PRKN: variants seen among roughly 807,000 people sequenced by gnomAD.
PRKN encodes the protein parkin RBR E3 ubiquitin protein ligase.
PRKN carries 56 observed loss-of-function variants against 59.5 expected under a neutral mutation model. The observed-to-expected ratio is 0.94, with a 90% CI of 0.76 to 1.18. The LOEUF is 1.18. PRKN is among the 50% of genes most tolerant of loss of function. PRKN has a pLI of 0.00. For missense variants in PRKN, 657 were observed against 596.4 expected (o/e 1.10, Z -1.06); for synonymous variants, 250 against 222.1 (o/e 1.13, Z -1.12).
Position 161,405,863 on chromosome 6 carries a change from T to C in PRKN, c.1084-18986A>G, listed in dbSNP as rs988621960. On this transcript the variant is annotated intron_variant, in intron 9 of 11. Coordinates refer to ENST00000366898, the MANE Select transcript of PRKN (RefSeq NM_004562.3). This position sits in a 1 kb window ranked among gnomAD's most constrained non-coding sequence, Gnocchi z 5.1. The stretch of plus-strand genomic sequence containing the variant: ...ATTTGGCAGTCCAAATAGATTTTTC[T>C]TTTAAAGTAGACTTTTGCTCCCACT... Among the ~76,000 whole-genome samples the C allele has an allele frequency of 1.3e-5, 2 of 152,068 alleles. No homozygotes were observed. The highest frequency in any genetic ancestry group is 4.8e-5 in the African/African-American group (2 of 41,414).
chr6:162,472,816 A>ATATATATATATATATATATATATC (rs1480831944), intron 1 of PRKN, among the ~76,000 whole-genome samples: 39 of 144,150 alleles, frequency 2.7e-4, no homozygotes, highest in Non-Finnish European at 4.4e-4. Flanking sequence ...ATATATATAT[A>ATATATATATATATATATATATATC]TCTTAGTAGA....
chr6:161,659,367 C>A (rs891939475), intron 7 of PRKN, among the ~76,000 whole-genome samples: 4 of 151,794 alleles, frequency 2.6e-5, no homozygotes, highest in African/African-American at 7.3e-5. Flanking sequence ...GTAGATGACA[C>A]TAAAAATGCA....
chr6:162,634,813 G>A (rs1330734516), intron 1 of PRKN, among the ~76,000 whole-genome samples: 1 of 152,082 alleles, frequency 6.6e-6, no homozygotes, highest in African/African-American at 2.4e-5. Flanking sequence ...TAGTAGAGAC[G>A]GGGTTTCACC....
intron 7 of PRKN, among the ~76,000 whole-genome samples, chr6:161,754,659 T>A (rs1788838169): frequency 6.6e-6 from 1 of 152,132 alleles, no homozygotes; most frequent in African/African-American, 2.4e-5. Context: ...CCAACTCACA[T>A]CCCTTTTCTT....
chr6:161,766,436 T>C lies in PRKN; in HGVS notation c.871+19336A>G, dbSNP rs150648074. ...AATTCTTCTGCCTCAGCCTCCTGAG[T>C]AGCTGGGACTACAGGTGCACGCCAC... is the stretch of plus-strand genomic sequence containing the variant. On this transcript the variant is annotated intron_variant, in intron 7 of 11. Coordinates refer to ENST00000366898, the MANE Select transcript of PRKN (RefSeq NM_004562.3). Among the ~76,000 whole-genome samples the C allele has an allele frequency of 5.2e-3, 792 of 151,938 alleles. 4 individuals are homozygous for C. The highest frequency in any genetic ancestry group is 0.018 in the African/African-American group (739 of 41,436).
intron 9 of PRKN, among the ~76,000 whole-genome samples, chr6:161,509,433 G>T (rs60259779): frequency 0.081 from 12,308 of 152,168 alleles, 730 homozygotes; most frequent in African/African-American, 0.16. Context: ...CCAGGGAGGA[G>T]CCTGGAGAAT....
Position 162,184,122 on chromosome 6 carries a change from T to C in PRKN, c.534+17009A>G, listed in dbSNP as rs971786036. On this transcript the variant is annotated intron_variant, in intron 4 of 11. Coordinates refer to ENST00000366898, the MANE Select transcript of PRKN (RefSeq NM_004562.3). ...CATATGTGCCTAGTGGCTGACATAT[T>C]GGACAGTACAGCTCTGTATCAACTT... Among the ~76,000 whole-genome samples, 3 of 152,242 alleles carry C rather than the reference T, an allele frequency of 2.0e-5. No homozygotes were observed. The South Asian group carries it at 6.2e-4, about 31-fold the overall frequency.
At chr6:161,532,166 C>CTCTCTA (rs1355724171) in intron 9 of PRKN, among the ~76,000 whole-genome samples, 116 of 115,404 alleles carry the variant, frequency 1.0e-3, no homozygotes, top group Middle Eastern at 5.1e-3. Context: ...CTCTCTCTCT[C>CTCTCTA]TATATATATA....
intron 9 of PRKN, among the ~76,000 whole-genome samples, chr6:161,513,480 G>A (rs1469998409): frequency 4.4e-5 from 6 of 135,110 alleles, no homozygotes; most frequent in Non-Finnish European, 8.0e-5. Flanking sequence ...GACCTCGTTC[G>A]TGATCTGCCC....
intron 2 of PRKN, among the ~76,000 whole-genome samples, chr6:162,338,620 C>T (rs1171294694): frequency 2.0e-5 from 3 of 151,996 alleles, no homozygotes; most frequent in Non-Finnish European, 2.9e-5. Context: ...ACCTCCCAGC[C>T]GCCTGCCTTG....
At chr6:161,351,694 A>G (rs1784559799) in intron 11 of PRKN, among the ~76,000 whole-genome samples, 1 of 152,226 alleles carries the variant, frequency 6.6e-6, no homozygotes, top group African/African-American at 2.4e-5. Flanking sequence ...TGAGAGGGAT[A>G]GAAAGGAAGT....
intron 2 of PRKN, among the ~76,000 whole-genome samples, chr6:162,357,112 T>A (rs969343236): frequency 1.3e-5 from 2 of 152,054 alleles, no homozygotes; most frequent in Non-Finnish European, 2.9e-5. Flanking sequence ...ATGAAAGAAA[T>A]AATTGATAGG....
chr6:162,367,417 G>A (rs1785502062), intron 2 of PRKN, among the ~76,000 whole-genome samples: 1 of 152,106 alleles, frequency 6.6e-6, no homozygotes, highest in Non-Finnish European at 1.5e-5. Context: ...TAATGGTACA[G>A]TATCTTAATG....
At chr6:162,339,286 G>A (rs569849856) in intron 2 of PRKN, among the ~76,000 whole-genome samples, 1 of 140,738 alleles carries the variant, frequency 7.1e-6, no homozygotes, top group African/African-American at 2.6e-5. Context: ...GTCCGGGAGG[G>A]AGGTGGGGGG....
In PRKN at chr6:161,940,576, T is replaced by A. The variant is rs533946030; in HGVS notation, c.734+32726A>T. Among the ~76,000 whole-genome samples, 22 of 152,370 alleles carry A rather than the reference T, an allele frequency of 1.4e-4. No individual in the cohort carries two copies. The South Asian group carries it at 4.1e-3, about 29-fold the overall frequency. ...TTAGAACCAGAGGACATAAAGGTTCTTGATAACATATGTATTTTTCATTCC... is the reference window on the plus strand; with the variant it reads ...TTAGAACCAGAGGACATAAAGGTTCATGATAACATATGTATTTTTCATTCC... On this transcript the variant is annotated intron_variant, in intron 6 of 11. Coordinates refer to ENST00000366898, the MANE Select transcript of PRKN (RefSeq NM_004562.3).
intron 4 of PRKN, among the ~76,000 whole-genome samples, chr6:162,136,607 C>T (rs1781571858): frequency 1.3e-5 from 2 of 152,104 alleles, no homozygotes. Context: ...GGGGTCTATG[C>T]CTCCTTGGAT....
chr6:161,997,051 C>T lies in PRKN; in HGVS notation c.619-23634G>A, dbSNP rs370772232. ...AAAGAGCAAGCTTCAATTGCGTTCTCGAATGACAATAAGTATGTACAATGA... is the reference window on the plus strand; with the variant it reads ...AAAGAGCAAGCTTCAATTGCGTTCTTGAATGACAATAAGTATGTACAATGA... On this transcript the variant is annotated intron_variant, in intron 5 of 11. Coordinates refer to ENST00000366898, the MANE Select transcript of PRKN (RefSeq NM_004562.3). Among the ~76,000 whole-genome samples, 5 of 152,072 alleles carry T rather than the reference C, an allele frequency of 3.3e-5. No individual in the cohort carries two copies. The East Asian group carries it at 7.7e-4, about 24-fold the overall frequency.
chr6:161,809,255 G>T (rs1438365266), intron 6 of PRKN, among the ~76,000 whole-genome samples: 1 of 151,722 alleles, frequency 6.6e-6, no homozygotes, highest in East Asian at 1.9e-4. Context: ...GTCCTCAAAG[G>T]CAGGGGGGGA....
chr6:162,490,083 G>A (rs1792734247), intron 1 of PRKN, among the ~76,000 whole-genome samples: 1 of 152,110 alleles, frequency 6.6e-6, no homozygotes, highest in Non-Finnish European at 1.5e-5. Context: ...ACTCTCTCAT[G>A]GCTCCCTGCA....
Sources: gnomAD v4.1 joint callset for allele counts (sites outside exome capture counted in the v4.1 genomes callset) on GRCh38, gnomAD v4.1.1 for gene constraint, Gnocchi (gnomAD v3.1) non-coding constraint, MANE v1.5 for transcripts, NCBI Gene and HGNC (gene_info 2026-07-23, HGNC 2026-07-21) for gene names.